The following LARGE1 variants were observed in gnomAD, a reference collection of about 807,000 sequenced individuals.
LARGE1 encodes xylosyl- and glucuronyltransferase LARGE1.
Under a neutral mutation model 87.6 loss-of-function variants are expected in LARGE1, and 43 were observed. The observed-to-expected ratio is 0.49, with a 90% confidence interval of 0.38 to 0.63. LARGE1 has a LOEUF of 0.63. Among genes scored for constraint, LARGE1 ranks in the 30% least tolerant of loss-of-function variants. LARGE1 has a pLI of 0.00. For synonymous variants in LARGE1, 434 were observed against 394.6 expected (o/e 1.10, Z -1.18); for missense variants, 802 against 1,000.2 (o/e 0.80, Z 2.67).
At chr22:33,646,616 G>T (rs573500158) in intron 3 of LARGE1, among the ~76,000 whole-genome samples, 1 of 151,674 alleles carries the variant, frequency 6.6e-6, no homozygotes, top group Non-Finnish European at 1.5e-5. Context: ...AAAAGTCAAC[G>T]AGTTCAAGAT....
chr22:33,489,493 A>G (rs73409058), intron 6 of LARGE1, among the ~76,000 whole-genome samples: 3,265 of 152,266 alleles, frequency 0.021, 87 homozygotes, highest in African/African-American at 0.065. Flanking sequence ...GGGACCCAGT[A>G]GGAGATAACT....
chr22:33,264,438 C>T (rs1927814191), intron 11 of LARGE1, among the ~76,000 whole-genome samples: 1 of 152,236 alleles, frequency 6.6e-6, no homozygotes, highest in East Asian at 1.9e-4. Context: ...GCGGGTGGAT[C>T]ACTTGAGGTC....
Position 33,393,482 on chromosome 22 carries a change from G to A in LARGE1, c.893-9178C>T, listed in dbSNP as rs113118660. ...TGCAAAGTAGAAAGAGGATTTTTAA[G>A]TGACTACTGCTTCAAGTTATGAAAA... On this transcript the variant is annotated intron_variant, in intron 7 of 14. Transcript: ENST00000397394. 3.2e-3 allele frequency among the ~76,000 whole-genome samples: 486 copies of A among 152,354 alleles called. 1 individual carries two copies. The highest frequency in any genetic ancestry group is 0.011 in the African/African-American group (456 of 41,586).
At chr22:33,738,339 C>T (rs1366016070) in intron 2 of LARGE1, among the ~76,000 whole-genome samples, 6 of 152,066 alleles carry the variant, frequency 3.9e-5, no homozygotes, top group South Asian at 2.1e-4. Context: ...GCTTGCTGGG[C>T]GAAGGGGCAG....
chr22:33,474,831 A>C (rs2069002210), intron 6 of LARGE1, among the ~76,000 whole-genome samples: 1 of 152,228 alleles, frequency 6.6e-6, no homozygotes, highest in African/African-American at 2.4e-5. Context: ...GAGAAAACTC[A>C]GCTGTCAGCA....
chr22:33,173,080 A>G (rs1017810148), intron 11 of LARGE1, among the ~76,000 whole-genome samples: 1 of 152,204 alleles, frequency 6.6e-6, no homozygotes, highest in African/African-American at 2.4e-5. Flanking sequence ...GGTTGGAATG[A>G]AGGAAAAAAT....
chr22:33,615,383 G>GA (rs1444882549), intron 4 of LARGE1, among the ~76,000 whole-genome samples: 1 of 151,938 alleles, frequency 6.6e-6, no homozygotes, highest in African/African-American at 2.4e-5. Context: ...GAGGCACTTA[G>GA]AAAAAAATGC....
intron 1 of LARGE1, among the ~76,000 whole-genome samples, chr22:33,841,676 G>GTCCTA (rs2063285824): frequency 1.3e-5 from 2 of 152,204 alleles, no homozygotes; most frequent in African/African-American, 4.8e-5. Context: ...AATAATCTGA[G>GTCCTA]TCCTATGTCT....
At chr22:33,582,522 T>TA (rs143002554) in intron 5 of LARGE1, among the ~76,000 whole-genome samples, 573 of 152,264 alleles carry the variant, frequency 3.8e-3, no homozygotes, top group Non-Finnish European at 6.6e-3. Flanking sequence ...AATATAAAGT[T>TA]TAGATAAGCA....
chr22:33,657,936 T>A (rs114230005), intron 2 of LARGE1, among the ~76,000 whole-genome samples: 2,689 of 147,718 alleles, frequency 0.018, 81 homozygotes, highest in African/African-American at 0.065. Context: ...ATTTGACTAA[T>A]GAAAAAAAAA....
chr22:33,158,157 A>G (rs1921925197), downstream of LARGE1, among the ~76,000 whole-genome samples: 1 of 152,168 alleles, frequency 6.6e-6, no homozygotes. Context: ...TACTACATTG[A>G]AGTTCTTATC....
At chr22:33,312,046 C>G (rs906167491) in intron 11 of LARGE1, among the ~76,000 whole-genome samples, 2 of 152,176 alleles carry the variant, frequency 1.3e-5, no homozygotes, top group Admixed American at 1.3e-4. Context: ...TGGTATCATT[C>G]TGGGAGCCTC....
At chr22:33,832,141 G>C (rs534824942) in intron 1 of LARGE1, among the ~76,000 whole-genome samples, 99 of 152,246 alleles carry the variant, frequency 6.5e-4, no homozygotes, top group African/African-American at 2.2e-3. Flanking sequence ...TTTTCTTACT[G>C]GAGTACCTTC....
At chr22:33,239,749 G>C (rs1926425848) in intron 11 of LARGE1, among the ~76,000 whole-genome samples, 1 of 151,838 alleles carries the variant, frequency 6.6e-6, no homozygotes. Context: ...ATGTTGGCCA[G>C]GTTGGTCTCG....
intron 2 of LARGE1, among the ~76,000 whole-genome samples, chr22:33,686,304 C>T (rs1569370779): frequency 6.6e-6 from 1 of 151,766 alleles, no homozygotes; most frequent in South Asian, 2.1e-4. Flanking sequence ...CACTAACAAC[C>T]CCTGGTTCGA....
chr22:33,721,721 T>C (rs550044886), intron 2 of LARGE1, among the ~76,000 whole-genome samples: 33 of 152,266 alleles, frequency 2.2e-4, no homozygotes, highest in African/African-American at 7.7e-4. Context: ...AAAGGTATCG[T>C]AGAAAAACTC....
chr22:33,488,425 G>T (rs1017788736), intron 6 of LARGE1, among the ~76,000 whole-genome samples: 4 of 152,136 alleles, frequency 2.6e-5, no homozygotes, highest in Admixed American at 2.6e-4. Flanking sequence ...TTCCATGGAG[G>T]TTTGTAAAAT....
intron 1 of LARGE1, among the ~76,000 whole-genome samples, chr22:33,816,629 CG>C (rs2086654055): frequency 6.6e-6 from 1 of 151,670 alleles, no homozygotes; most frequent in Non-Finnish European, 1.5e-5. Context: ...GGCAGGCAGG[CG>C]GGAGGGCGGG....
At chr22:33,746,631 T>C (rs1365133066) in intron 2 of LARGE1, among the ~76,000 whole-genome samples, 2 of 152,218 alleles carry the variant, frequency 1.3e-5, no homozygotes, top group African/African-American at 4.8e-5. Context: ...AAAAAGGAAG[T>C]ATGCTATATA....
Sources: gnomAD v4.1 joint callset for allele counts (sites outside exome capture counted in the v4.1 genomes callset) on GRCh38, gnomAD v4.1.1 for gene constraint, MANE v1.5 for transcripts, NCBI Gene and HGNC (gene_info 2026-07-23, HGNC 2026-07-21) for gene names.